GPM6A: variants seen among roughly 807,000 people sequenced by gnomAD.
The protein encoded by GPM6A is neuronal membrane glycoprotein M6-a.
In GPM6A, 7 loss-of-function variants were observed where a neutral mutation model predicts 32.1. The ratio of observed to expected loss-of-function variants is 0.22; its 90% CI spans 0.12 to 0.41. GPM6A has a LOEUF of 0.41. Ranked by LOEUF, GPM6A falls within the 10% of genes least tolerant of loss-of-function variation. The pLI is 1.00. For synonymous variants in GPM6A, 130 were observed against 123.4 expected, an observed-to-expected ratio of 1.05 and a Z score of -0.35; for missense variants, 235 against 347.2, an observed-to-expected ratio of 0.68 and a Z score of 2.57.
intron 6 of GPM6A, among the ~76,000 whole-genome samples, chr4:175,637,498 A>G: frequency 2.3e-4 from 1 of 4,288 alleles, no homozygotes; most frequent in Admixed American, 3.0e-3. Flanking sequence ...ACCTTTATAT[A>G]TATATAAAAC....
At chr4:175,873,602 T>A (rs997072778) in intron 1 of GPM6A, among the ~76,000 whole-genome samples, 1 of 152,148 alleles carries the variant, frequency 6.6e-6, no homozygotes, top group Admixed American at 6.5e-5. Context: ...CAACTAACAA[T>A]TATTAATGAA....
intron 1 of GPM6A, chr4:175,962,230 A>G (rs908249778): frequency 1.5e-6 from 2 of 1,334,910 alleles, no homozygotes; most frequent in Admixed American, 3.4e-5. Flanking sequence ...GTGGAACAAG[A>G]GAACATTGAC....
intron 1 of GPM6A, among the ~76,000 whole-genome samples, chr4:175,792,160 A>T (rs1734036351): frequency 6.6e-6 from 1 of 152,166 alleles, no homozygotes; most frequent in African/African-American, 2.4e-5. Context: ...TTTCCAACTC[A>T]TATGTGCTAA....
chr4:175,899,205 T>C (rs959370763), intron 1 of GPM6A, among the ~76,000 whole-genome samples: 4 of 152,156 alleles, frequency 2.6e-5, no homozygotes, highest in Non-Finnish European at 1.5e-5. Context: ...TTTGTATTTA[T>C]TTGCTTTTCC....
chr4:175,916,025 A>T (rs1023887273), intron 1 of GPM6A, among the ~76,000 whole-genome samples: 1 of 152,192 alleles, frequency 6.6e-6, no homozygotes, highest in Non-Finnish European at 1.5e-5. Flanking sequence ...TCTCTCACTC[A>T]GCCTGTTTTT....
intron 3 of GPM6A, among the ~76,000 whole-genome samples, chr4:175,664,417 G>C (rs902185777): frequency 1.1e-4 from 17 of 152,116 alleles, no homozygotes; most frequent in African/African-American, 3.9e-4. Flanking sequence ...TAATAGGAGG[G>C]GAGGCTGCAC....
intron 1 of GPM6A, among the ~76,000 whole-genome samples, chr4:175,718,824 C>A (rs1183579909): frequency 2.6e-5 from 4 of 152,086 alleles, no homozygotes; most frequent in Non-Finnish European, 2.9e-5. Flanking sequence ...ACTTAAAATA[C>A]AGTTGAGACA....
chr4:175,941,572 G>A (rs962752519), intron 1 of GPM6A, among the ~76,000 whole-genome samples: 1 of 152,216 alleles, frequency 6.6e-6, no homozygotes, highest in East Asian at 1.9e-4. Flanking sequence ...GCCCTGGTGT[G>A]TGATGTTCCC....
intron 1 of GPM6A, among the ~76,000 whole-genome samples, chr4:175,824,742 G>C (rs986300845): frequency 6.6e-6 from 1 of 152,126 alleles, no homozygotes; most frequent in African/African-American, 2.4e-5. Context: ...GGTATCCACT[G>C]TATGCTAGGC....
At chr4:175,860,702 T>A (rs1736548868) in intron 1 of GPM6A, among the ~76,000 whole-genome samples, 1 of 152,162 alleles carries the variant, frequency 6.6e-6, no homozygotes, top group African/African-American at 2.4e-5. Context: ...ACCCCCAGCT[T>A]AAACACCAAC....
chr4:175,668,446 G>A (rs919086406), intron 3 of GPM6A, among the ~76,000 whole-genome samples: 1 of 150,476 alleles, frequency 6.6e-6, no homozygotes, highest in Admixed American at 6.7e-5. Flanking sequence ...AAATGATGTT[G>A]TCTTAAGTTT....
At chr4:175,877,888 C>G (rs1046464434) in intron 1 of GPM6A, among the ~76,000 whole-genome samples, 1 of 152,164 alleles carries the variant, frequency 6.6e-6, no homozygotes, top group Non-Finnish European at 1.5e-5. Flanking sequence ...CACCTATGAG[C>G]CTGTAAAATC....
intron 3 of GPM6A, among the ~76,000 whole-genome samples, chr4:175,665,951 C>T (rs1328491874): frequency 6.7e-6 from 1 of 148,698 alleles, no homozygotes; most frequent in African/African-American, 2.5e-5. Flanking sequence ...CAGAGTCTCA[C>T]TCAGTCACCC....
chr4:175,733,375 C>T (rs573706852), intron 1 of GPM6A, among the ~76,000 whole-genome samples: 10 of 152,108 alleles, frequency 6.6e-5, no homozygotes, highest in South Asian at 2.1e-4. Context: ...ATGGTGGCAC[C>T]GCCTATAGTC....
intron 1 of GPM6A, among the ~76,000 whole-genome samples, chr4:175,759,870 C>A (rs1732671091): frequency 6.6e-6 from 1 of 152,036 alleles, no homozygotes; most frequent in Non-Finnish European, 1.5e-5. Context: ...AGAAAGAATA[C>A]AAGAATGTTA....
chr4:175,705,004 G>A (rs1174772454), intron 1 of GPM6A, among the ~76,000 whole-genome samples: 1 of 152,064 alleles, frequency 6.6e-6, no homozygotes, highest in African/African-American at 2.4e-5. Flanking sequence ...ATTAATTCAG[G>A]GTCGGTTTCA....
intron 1 of GPM6A, among the ~76,000 whole-genome samples, chr4:175,783,460 A>G (rs1402606069): frequency 6.6e-6 from 1 of 151,994 alleles, no homozygotes; most frequent in Non-Finnish European, 1.5e-5. Flanking sequence ...AAGTTAAATA[A>G]TATGAAAGGA....
chr4:175,960,583 C>A (rs1386822167), intron 1 of GPM6A, among the ~76,000 whole-genome samples: 1 of 152,114 alleles, frequency 6.6e-6, no homozygotes, highest in Non-Finnish European at 1.5e-5. Context: ...CTGATGTCTC[C>A]GCCATCCCCC....
intron 1 of GPM6A, among the ~76,000 whole-genome samples, chr4:175,730,142 C>T (rs1268737684): frequency 6.6e-6 from 1 of 152,074 alleles, no homozygotes; most frequent in Non-Finnish European, 1.5e-5. Context: ...CTTCTGGCAG[C>T]TTAAGTATAA....
Sources: allele counts gnomAD v4.1 joint callset (sites outside exome capture counted in the v4.1 genomes callset), GRCh38; gene constraint gnomAD v4.1.1; transcripts MANE v1.5; gene names NCBI Gene and HGNC (gene_info 2026-07-23, HGNC 2026-07-21).